The following SLC41A2 variants were observed in gnomAD, a reference collection of about 807,000 sequenced individuals.
SLC41A2 encodes the protein solute carrier family 41 member 2.
In SLC41A2, 32 loss-of-function variants were observed where a neutral mutation model predicts 58.3. The observed-to-expected ratio is 0.55, with a 90% CI of 0.41 to 0.74. The LOEUF (loss-of-function observed/expected upper bound fraction) is 0.74. SLC41A2 is among the 30% of genes least tolerant of loss of function. SLC41A2 has a pLI of 0.00. For synonymous variants in SLC41A2, 190 were observed against 235.0 expected, an observed-to-expected ratio of 0.81 and a Z score of 1.75; for missense variants, 514 against 680.6, an observed-to-expected ratio of 0.76 and a Z score of 2.72.
chr12:104,817,894 C>A (rs1041067605), intron 10 of SLC41A2, among the ~76,000 whole-genome samples: 1 of 151,816 alleles, frequency 6.6e-6, no homozygotes, highest in Admixed American at 6.6e-5. Context: ...TCATAGGATG[C>A]AATCATATAT....
intron 10 of SLC41A2, among the ~76,000 whole-genome samples, chr12:104,822,376 A>G (rs1430716326): frequency 6.6e-6 from 1 of 152,180 alleles, no homozygotes; most frequent in Admixed American, 6.5e-5. Context: ...CAGGTTGCCC[A>G]GCAAAACATT....
intron 8 of SLC41A2, among the ~76,000 whole-genome samples, chr12:104,847,164 A>C (rs1565836661): frequency 6.6e-6 from 1 of 152,186 alleles, no homozygotes; most frequent in Non-Finnish European, 1.5e-5. Context: ...GACATAAATT[A>C]AAAGTAAAAA....
At chr12:104,934,476 C>A (rs2047185627) in intron 1 of SLC41A2, among the ~76,000 whole-genome samples, 1 of 150,808 alleles carries the variant, frequency 6.6e-6, no homozygotes, top group African/African-American at 2.5e-5. Flanking sequence ...CCTTAATGGC[C>A]AATATTTGTA....
chr12:104,812,794 A>T (rs1047892632), intron 10 of SLC41A2, among the ~76,000 whole-genome samples: 3 of 152,096 alleles, frequency 2.0e-5, no homozygotes, highest in African/African-American at 7.2e-5. Flanking sequence ...TGGGCAAATT[A>T]TCTGATATAA....
intron 3 of SLC41A2, among the ~76,000 whole-genome samples, chr12:104,906,035 G>GC (rs1205240106): frequency 1.3e-5 from 2 of 152,266 alleles, no homozygotes; most frequent in African/African-American, 4.8e-5. Context: ...GGTGCCGAGA[G>GC]CAAGCGAGGG....
At chr12:104,816,160 TG>T (rs2041394009) in intron 10 of SLC41A2, among the ~76,000 whole-genome samples, 1 of 152,006 alleles carries the variant, frequency 6.6e-6, no homozygotes, top group Admixed American at 6.6e-5. Flanking sequence ...GGGCACTGAC[TG>T]GGGGCAGCCA....
At chr12:104,812,630 C>A (rs1015771860) in intron 10 of SLC41A2, among the ~76,000 whole-genome samples, 1 of 151,706 alleles carries the variant, frequency 6.6e-6, no homozygotes, top group Non-Finnish European at 1.5e-5. Flanking sequence ...GGGCTTGAAC[C>A]GAGAGAAAAA....
At chr12:104,927,825 C>T (rs1456798499) in intron 2 of SLC41A2, 148 bp downstream of exon 2, 1 of 648,952 alleles carries the variant, frequency 1.5e-6, no homozygotes, top group African/African-American at 1.9e-5. Flanking sequence ...GAAATAGATT[C>T]TCTCCCAGAG....
intron 4 of SLC41A2, among the ~76,000 whole-genome samples, chr12:104,892,301 A>AAAAT (rs2045025413): frequency 2.1e-5 from 3 of 140,612 alleles, no homozygotes; most frequent in Admixed American, 1.4e-4. Flanking sequence ...ATCTCAAAAA[A>AAAAT]AAAATAAAAT....
chr12:104,834,163 G>A, intron 10 of SLC41A2: 1 of 985,352 alleles, frequency 1.0e-6, no homozygotes, highest in Non-Finnish European at 1.2e-6. Context: ...TCACTGGCCT[G>A]GAGCCCAAGC....
intron 10 of SLC41A2, among the ~76,000 whole-genome samples, chr12:104,814,415 T>A (rs565479564): frequency 4.0e-4 from 61 of 152,198 alleles, no homozygotes; most frequent in Admixed American, 1.3e-3. Flanking sequence ...AAAACACTAC[T>A]CATCTTACAG....
intron 1 of SLC41A2, among the ~76,000 whole-genome samples, chr12:104,950,016 T>C (rs1356978145): frequency 3.9e-5 from 6 of 152,244 alleles, no homozygotes; most frequent in Admixed American, 1.3e-4. Context: ...TGGGAAGGTA[T>C]GAGTAGACTA....
intron 8 of SLC41A2, among the ~76,000 whole-genome samples, chr12:104,854,733 A>C (rs923614036): frequency 4.6e-5 from 7 of 152,066 alleles, no homozygotes; most frequent in Admixed American, 1.3e-4. Flanking sequence ...CTAGGGTGCC[A>C]TCCAAATATT....
At chr12:104,889,964 A>T (rs2044868555) in intron 4 of SLC41A2, among the ~76,000 whole-genome samples, 1 of 152,176 alleles carries the variant, frequency 6.6e-6, no homozygotes, top group Admixed American at 6.6e-5. Context: ...GATTAATAGG[A>T]TGTCAGAACT....
chr12:104,929,321 T>C (rs1032283879), intron 1 of SLC41A2, among the ~76,000 whole-genome samples: 1 of 152,236 alleles, frequency 6.6e-6, no homozygotes, highest in Admixed American at 6.5e-5. Context: ...TTATAATTGA[T>C]TTAGGAATAT....
chr12:104,867,904 C>T (rs1047472173), intron 6 of SLC41A2, among the ~76,000 whole-genome samples: 5 of 151,804 alleles, frequency 3.3e-5, no homozygotes, highest in Admixed American at 2.6e-4. Context: ...GATGCTTGAA[C>T]TACATACAAA....
chr12:104,822,808 T>TA (rs879525763), intron 10 of SLC41A2, among the ~76,000 whole-genome samples: 48 of 150,822 alleles, frequency 3.2e-4, no homozygotes, highest in Middle Eastern at 3.4e-3. Context: ...TAATTGCAGG[T>TA]AAAAAAAAAT....
intron 6 of SLC41A2, among the ~76,000 whole-genome samples, chr12:104,881,414 G>T (rs2044365340): frequency 6.6e-6 from 1 of 152,134 alleles, no homozygotes; most frequent in African/African-American, 2.4e-5. Flanking sequence ...ATGTTAGGAT[G>T]TCAATTTTAG....
At chr12:104,929,118 C>T (rs1466368171) in intron 1 of SLC41A2, among the ~76,000 whole-genome samples, 2 of 152,124 alleles carry the variant, frequency 1.3e-5, no homozygotes, top group Non-Finnish European at 2.9e-5. Context: ...ATACTTTAAA[C>T]ATTAAATAAT....
Sources: allele counts gnomAD v4.1 joint callset (sites outside exome capture counted in the v4.1 genomes callset), GRCh38; gene constraint gnomAD v4.1.1; transcripts MANE v1.5; gene names NCBI Gene and HGNC (gene_info 2026-07-23, HGNC 2026-07-21).